Variants in TARS3 observed in about 807,000 individuals in gnomAD.
The protein encoded by TARS3 is threonine--tRNA ligase 2, cytoplasmic.
TARS3 carries 94 observed loss-of-function variants against 103.5 expected under a neutral mutation model. The observed-to-expected ratio is 0.91, with a 90% confidence interval of 0.77 to 1.08. The LOEUF (loss-of-function observed/expected upper bound fraction) is 1.08, where lower values mean the gene tolerates loss of function less well. TARS3 is among the 50% of genes least tolerant of loss of function. TARS3 has a pLI of 0.00. For missense variants in TARS3, 952 were observed against 995.2 expected, an observed-to-expected ratio of 0.96 and a Z score of 0.58; for synonymous variants, 416 against 355.4, an observed-to-expected ratio of 1.17 and a Z score of -1.92.
At chr15:101,666,672 T>A (rs1244003360) in intron 15 of TARS3, among the ~76,000 whole-genome samples, 1 of 152,048 alleles carries the variant, frequency 6.6e-6, no homozygotes. Context: ...AAAGACATTC[T>A]CAGATGAAAG....
chr15:101,671,531 T>C lies in TARS3; in HGVS notation c.1922A>G (p.Gln641Arg). 1.9e-6 allele frequency: 3 copies of C among 1,611,684 alleles called. No homozygotes were observed. The highest frequency in any genetic ancestry group is 2.5e-6 in the Non-Finnish European group (3 of 1,177,892). ...IGRYHQCATI[Q>R]LDFQLPIRFN... ...TCTAATAGGCAGTTGGAAGTCCAGC[T>C]GAATTGTAGCACATTGATGGTATCT... The change falls in exon 15 of 19, where the codon CAG becomes CGG. Residue 641 changes from glutamine (Q) to arginine (R), a missense_variant. By Grantham distance (43) the Gln-to-Arg change is conservative. Transcript: ENST00000335968.
chr15:101,659,728 T>C (rs1897309951), intron 16 of TARS3, among the ~76,000 whole-genome samples: 1 of 152,200 alleles, frequency 6.6e-6, no homozygotes, highest in African/African-American at 2.4e-5. Context: ...GAAAGAAATA[T>C]AAACATGTTA....
In TARS3 at chr15:101,671,715, G is replaced by C; in HGVS notation, c.1822C>G (p.Pro608Ala). The C allele has an allele frequency of 6.2e-7, 1 of 1,613,942 alleles. No homozygotes were observed. ...CCATCTCCTGGGTTCATTTTCCACG[G>C]TTCTCCAAAGTCCATCAAGCTGTTC... is the stretch of plus-strand genomic sequence containing the variant. Reference protein sequence around the residue: ...LQNSLMDFGEPWKMNPGDGAF... With the variant: ...LQNSLMDFGEAWKMNPGDGAF... The change falls in exon 14 of 19, where the codon CCG (proline) becomes GCG (alanine). Residue 608 changes from proline (P) to alanine (A), a missense_variant. By Grantham distance (27) the Pro-to-Ala change is conservative (BLOSUM62 -1). This residue lies in a region of TARS3 where 540 missense variants were observed against 631.0 expected (regional missense o/e 0.86). Transcript: ENST00000335968.
At chr15:101,655,031 G>A (rs184815375) in intron 18 of TARS3, among the ~76,000 whole-genome samples, 2 of 151,792 alleles carry the variant, frequency 1.3e-5, no homozygotes, top group African/African-American at 2.4e-5. Context: ...TGAGAGCGGG[G>A]AGCTCTTACA....
intron 4 of TARS3, 119 bp downstream of exon 4, chr15:101,714,721 T>C: frequency 1.2e-6 from 1 of 859,726 alleles, no homozygotes; most frequent in Non-Finnish European, 1.6e-6. Flanking sequence ...TAATCAAATT[T>C]TAAATCTTAG....
chr15:101,721,286 T>C lies in TARS3; in HGVS notation c.406A>G (p.Lys136Glu), dbSNP rs1900445867. 3.1e-6 allele frequency: 5 copies of C among 1,612,672 alleles called. No individual in the cohort carries two copies. The highest frequency in any genetic ancestry group is 4.2e-6 in the Non-Finnish European group (5 of 1,178,734). Residue 136 changes from lysine to glutamate, a missense_variant, in exon 3 of 19, where the codon AAG becomes GAG. By Grantham distance (56) the Lys-to-Glu change is moderately conservative. This residue lies in a region of TARS3 where 412 missense variants were observed against 364.2 expected (regional missense o/e 1.13). Coordinates refer to ENST00000335968, the MANE Select transcript of TARS3 (RefSeq NM_152334.3). The part of the protein sequence containing the change: ...HQPIFIKERL[K>E]LFEILKKDHQ... ...TCTTTCTTCAGTATTTCAAAAAGCT[T>C]CAATCTTTCTTTTATGAAAATTGGT...
At position 101,709,888 on chromosome 15, in the gene TARS3, TA is replaced by T. The variant is rs562252425; in HGVS notation, c.813-979del. On this transcript the variant is annotated intron_variant, in intron 5 of 18. Coordinates refer to ENST00000335968, the MANE Select transcript of TARS3 (RefSeq NM_152334.3). ...ATCCAGATTTCTGGCACAGGGTTTT[TA>T]AAATCCTGAAATCTCTGGAGTGATA... is the stretch of plus-strand genomic sequence containing the variant. Among the ~76,000 whole-genome samples the T allele has an allele frequency of 3.5e-3, 534 of 152,364 alleles. 6 individuals are homozygous for T. Among genetic ancestry groups the T allele is most frequent in the Non-Finnish European group, 5.2e-3 (353 of 68,034 alleles).
chr15:101,662,869 A>G (rs547609989), intron 15 of TARS3, among the ~76,000 whole-genome samples: 1 of 152,356 alleles, frequency 6.6e-6, no homozygotes, highest in South Asian at 2.1e-4. Flanking sequence ...ATAGTGACAT[A>G]AACTATGATT....
At chr15:101,688,717 TATA>T (rs1421198662) in intron 10 of TARS3, among the ~76,000 whole-genome samples, 4 of 152,160 alleles carry the variant, frequency 2.6e-5, no homozygotes, top group East Asian at 3.8e-4. Flanking sequence ...AGATGAATGC[TATA>T]ATAAGTTAGA....
At position 101,690,946 on chromosome 15, in the gene TARS3, T is replaced by C. The variant is rs915563593; in HGVS notation, c.1321-4884A>G. On this transcript the variant is annotated intron_variant, in intron 10 of 18. Transcript: ENST00000335968. ...ATGAAAATTATTTAATGGGTATCAA[T>C]CTTTTTTTTTGAAATGGAGTCTCGC... Among the ~76,000 whole-genome samples the C allele has an allele frequency of 1.1e-4, 17 of 152,102 alleles. 1 individual carries two copies. Among genetic ancestry groups the C allele is most frequent in the African/African-American group, 4.1e-4 (17 of 41,364 alleles).
chr15:101,677,971 T>C (rs2141398959), intron 12 of TARS3, among the ~76,000 whole-genome samples: 1 of 149,866 alleles, frequency 6.7e-6, no homozygotes, highest in Middle Eastern at 3.4e-3. Flanking sequence ...GGACTTCTTT[T>C]TTTTTGGGGG....
intron 2 of TARS3, among the ~76,000 whole-genome samples, chr15:101,722,048 C>T (rs1596334031): frequency 6.6e-6 from 1 of 152,266 alleles, no homozygotes; most frequent in African/African-American, 2.4e-5. Flanking sequence ...GTATTAAATA[C>T]ATTTTTAACT....
intron 16 of TARS3, 54 bp from the exon 17 acceptor site, chr15:101,657,911 T>C (rs1269618689): frequency 8.9e-7 from 1 of 1,126,592 alleles, no homozygotes; most frequent in African/African-American, 1.6e-5. Context: ...GGCTACTTAT[T>C]ACATGATTTT....
Position 101,684,234 on chromosome 15 carries a change from T to A in TARS3, c.1491A>T (p.Leu497=), listed in dbSNP as rs1297283566. The change falls in exon 12 of 19, where the codon CTA becomes CTT. Residue 497 remains leucine (L), a synonymous_variant. Transcript: ENST00000335968. ...AAGATCGTGGACGATGGGCAAACATTAGACTAGAAAAGATGTGGTAACACA... is the reference window on the plus strand; with the variant it reads ...AAGATCGTGGACGATGGGCAAACATAAGACTAGAAAAGATGTGGTAACACA... ...LKPMNCPGHC[L]MFAHRPRSWR... 1.2e-6 allele frequency: 2 copies of A among 1,613,400 alleles called. No homozygotes were observed. The highest frequency in any genetic ancestry group is 4.5e-5 in the East Asian group (2 of 44,856).
intron 10 of TARS3, among the ~76,000 whole-genome samples, chr15:101,693,002 C>G (rs1015538635): frequency 2.6e-4 from 40 of 152,148 alleles, no homozygotes; most frequent in African/African-American, 9.7e-4. Context: ...CCTCCCCACT[C>G]CAGGGTTTCA....
At chr15:101,690,728 T>C (rs1898677797) in intron 10 of TARS3, among the ~76,000 whole-genome samples, 1 of 152,240 alleles carries the variant, frequency 6.6e-6, no homozygotes, top group Non-Finnish European at 1.5e-5. Context: ...AGACTTTTCA[T>C]TTTTGAATAC....
chr15:101,720,468 A>C (rs1318334953), intron 3 of TARS3, among the ~76,000 whole-genome samples: 1 of 152,228 alleles, frequency 6.6e-6, no homozygotes, highest in Non-Finnish European at 1.5e-5. Flanking sequence ...AAACTCATGG[A>C]AATTACTTGA....
At chr15:101,694,312 G>A (rs1898866457) in intron 10 of TARS3, among the ~76,000 whole-genome samples, 1 of 152,202 alleles carries the variant, frequency 6.6e-6, no homozygotes, top group African/African-American at 2.4e-5. Flanking sequence ...CCACAGAAAT[G>A]CAGCAGTTCC....
intron 10 of TARS3, chr15:101,699,377 G>A (rs540429568): frequency 2.2e-6 from 1 of 455,858 alleles, no homozygotes; most frequent in East Asian, 7.0e-5. Context: ...TGCCTTTACA[G>A]TTTGGTGACC....
Sources: allele counts gnomAD v4.1 joint callset (sites outside exome capture counted in the v4.1 genomes callset), GRCh38; gene constraint gnomAD v4.1.1; regional missense constraint gnomAD v4.1.1; transcripts MANE v1.5; gene names NCBI Gene and HGNC (gene_info 2026-07-23, HGNC 2026-07-21).